The following C2CD2 variants were observed in gnomAD, a reference collection of about 807,000 sequenced individuals.
C2CD2 encodes C2 calcium dependent domain containing 2, also known as C2 domain-containing protein 2.
C2CD2 carries 43 observed loss-of-function variants against 74.3 expected under a neutral mutation model. The ratio of observed to expected loss-of-function variants is 0.58; its 90% CI spans 0.45 to 0.75. The LOEUF (loss-of-function observed/expected upper bound fraction) is 0.75. Among genes scored for constraint, C2CD2 ranks in the 30% least tolerant of loss-of-function variants. C2CD2 has a pLI of 0.00. For missense variants in C2CD2, 801 were observed against 916.3 expected, an observed-to-expected ratio of 0.87 and a Z score of 1.63; for synonymous variants, 422 against 390.7, an observed-to-expected ratio of 1.08 and a Z score of -0.94.
chr21:41,925,615 C>T (rs1389073510), intron 2 of C2CD2, among the ~76,000 whole-genome samples: 4 of 152,314 alleles, frequency 2.6e-5, no homozygotes, highest in East Asian at 3.9e-4. Context: ...GCCAAATGGA[C>T]GGGGACAAAA....
At position 41,953,478 on chromosome 21, in the gene C2CD2, G is replaced by C; in HGVS notation, c.171C>G (p.Arg57=). 4.7e-6 allele frequency: 7 copies of C among 1,483,374 alleles called. No individual in the cohort carries two copies. Among genetic ancestry groups the C allele is most frequent in the Non-Finnish European group, 6.3e-6 (7 of 1,114,650 alleles). 91.9% of individuals were successfully genotyped at this position (1,483,374 alleles called of 1,614,324 possible). The change falls in exon 1 of 14, where the codon CGC becomes CGG. Residue 57 remains arginine (R), a synonymous_variant. Transcript: ENST00000380486. ...RRAVEPGEGP[R]PGSDALLSWI... ...AGGAGAGCAGCGCGTCGGACCCCGG[G>C]CGCGGCCCCTCTCCAGGCTCCACCG...
intron 1 of C2CD2, among the ~76,000 whole-genome samples, chr21:41,949,546 T>C (rs2065432923): frequency 6.6e-6 from 1 of 152,140 alleles, no homozygotes; most frequent in Admixed American, 6.5e-5. Flanking sequence ...TTGGTGGGAG[T>C]GTAAATTAGT....
Position 41,914,731 on chromosome 21 carries a change from T to G in C2CD2, c.721-10A>C. The G allele has an allele frequency of 6.2e-7, 1 of 1,610,142 alleles. No homozygotes were observed. Among genetic ancestry groups the G allele is most frequent in the South Asian group, 1.1e-5 (1 of 90,562 alleles). ...CAGCACACTGTAAGTTCTGAAAAAA[T>G]AAAGAGCACTTTATTTTTGGTCTTC... On this transcript the variant is annotated splice_polypyrimidine_tract_variant and intron_variant, in intron 5 of 13. Coordinates refer to ENST00000380486, the MANE Select transcript of C2CD2 (RefSeq NM_015500.2).
At position 41,909,524 on chromosome 21, in the gene C2CD2, C is replaced by T; in HGVS notation, c.954-1G>A. ...CTCCTTCGACTTGGCATTCAACTCG[C>T]TTTGGAAGAGAAACAAGTTATGAGT... On this transcript the variant is annotated splice_acceptor_variant, in intron 7 of 13. Coordinates refer to ENST00000380486, the MANE Select transcript of C2CD2 (RefSeq NM_015500.2). LOFTEE classifies it high-confidence loss of function. 1.2e-6 allele frequency: 2 copies of T among 1,609,236 alleles called. No homozygotes were observed. The highest frequency in any genetic ancestry group is 1.7e-6 in the Non-Finnish European group (2 of 1,175,522).
chr21:41,905,312 T>G (rs2064947161), intron 11 of C2CD2, among the ~76,000 whole-genome samples: 1 of 28,008 alleles, frequency 3.6e-5, no homozygotes, highest in Admixed American at 3.4e-4. Flanking sequence ...AATCAAAACT[T>G]TTTTTTTTTT....
intron 2 of C2CD2, among the ~76,000 whole-genome samples, chr21:41,941,612 C>A (rs2065354897): frequency 6.6e-6 from 1 of 152,136 alleles, no homozygotes; most frequent in Admixed American, 6.5e-5. Context: ...ATCAGATGTC[C>A]TGAGATACAA....
chr21:41,905,048 T>C, intron 11 of C2CD2, among the ~76,000 whole-genome samples: 1 of 152,146 alleles, frequency 6.6e-6, no homozygotes, highest in East Asian at 1.9e-4. Context: ...AAGCAGAAAG[T>C]GGTGAATAAA....
At position 41,899,445 on chromosome 21, in the gene C2CD2, A is replaced by C; in HGVS notation, c.1561-83T>G. 1 of 1,256,342 alleles carries C rather than the reference A, an allele frequency of 8.0e-7. No individual in the cohort carries two copies. Among genetic ancestry groups the C allele is most frequent in the Non-Finnish European group, 1.1e-6 (1 of 900,316 alleles). 77.8% of individuals were successfully genotyped at this position (1,256,342 alleles called of 1,614,324 possible). A position where few individuals can be genotyped will look rare whatever the true frequency, so the allele number is the denominator to read the frequency against. ...AAAGAACTGAAAAGCACTCTCCAAA[A>C]CATTCTGACAGCTGATTTCAAAGTC... On this transcript the variant is annotated intron_variant, in intron 12 of 13. Transcript: ENST00000380486. The surrounding 1 kb of genome is among the most constrained non-coding windows in gnomAD (Gnocchi z 4.4).
Position 41,887,587 on chromosome 21 carries a change from TACTAAAAA to T in C2CD2, c.*1529_*1536del, listed in dbSNP as rs1284546109. On this transcript the variant is annotated 3_prime_UTR_variant, in exon 14 of 14. Coordinates refer to ENST00000380486, the MANE Select transcript of C2CD2 (RefSeq NM_015500.2). ...TAATTTTGGTTTTTATATAGGTTTT[TACTAAAAA>T]AGAAAAAAATCCTATAATTTTGGTT... The T allele has an allele frequency of 2.4e-4, 37 of 151,170 alleles. No homozygotes were observed. Among genetic ancestry groups the T allele is most frequent in the Middle Eastern group, 3.4e-3 (1 of 294 alleles). 9.4% of individuals were successfully genotyped at this position (151,170 alleles called of 1,614,324 possible).
rs1356640971 is a variant in C2CD2 at position 41,926,156 on chromosome 21, C to T, written c.379-4071G>A. ...AACTCCACAGAGCCCAGGTCTGCAT[C>T]TGCAGGAGCGAGCTCCCTCGACAAC... On this transcript the variant is annotated intron_variant, in intron 2 of 13. Transcript: ENST00000380486. This position sits in a 1 kb window ranked among gnomAD's most constrained non-coding sequence, Gnocchi z 8.0. Among the ~76,000 whole-genome samples, 1 of 152,240 alleles carries T rather than the reference C, an allele frequency of 6.6e-6. No homozygotes were observed. Among genetic ancestry groups the T allele is most frequent in the Non-Finnish European group, 1.5e-5 (1 of 68,054 alleles).
At position 41,889,165 on chromosome 21, in the gene C2CD2, T is replaced by C. The variant is rs1252328351; in HGVS notation, c.2050A>G (p.Lys684Glu). Residue 684 changes from lysine to glutamate, a missense_variant, in exon 14 of 14, where the codon AAG becomes GAG. Coordinates refer to ENST00000380486, the MANE Select transcript of C2CD2 (RefSeq NM_015500.2). ...ACGGGGGCACCGTTCATGGTGTTCTTGTTTCTGTGCCTGGAGAGCAGCTTC... is the reference window on the plus strand; with the variant it reads ...ACGGGGGCACCGTTCATGGTGTTCTCGTTTCTGTGCCTGGAGAGCAGCTTC... Reference protein sequence around the residue: ...NKKLLSRHRNKNTMNGAPVEP... With the variant: ...NKKLLSRHRNENTMNGAPVEP... 3.1e-6 allele frequency: 5 copies of C among 1,612,574 alleles called. No homozygotes were observed. Among genetic ancestry groups the C allele is most frequent in the Middle Eastern group, 2.0e-4 (1 of 4,880 alleles).
At chr21:41,912,779 G>A (rs1332530766) in intron 6 of C2CD2, among the ~76,000 whole-genome samples, 2 of 152,176 alleles carry the variant, frequency 1.3e-5, no homozygotes, top group African/African-American at 4.8e-5. Flanking sequence ...ATGAGCTACC[G>A]CGCCCAGCAT....
At chr21:41,900,337 C>T (rs555232334) in intron 12 of C2CD2, among the ~76,000 whole-genome samples, 53 of 152,282 alleles carry the variant, frequency 3.5e-4, no homozygotes, top group African/African-American at 1.0e-3. Flanking sequence ...ATAATCACTG[C>T]GGTGAATTCA....
intron 2 of C2CD2, among the ~76,000 whole-genome samples, chr21:41,931,580 G>A (rs528646623): frequency 6.7e-6 from 1 of 149,566 alleles, no homozygotes; most frequent in Non-Finnish European, 1.5e-5. Flanking sequence ...GTGCCACCAC[G>A]CCCAGCTAAT....
At chr21:41,919,621 G>T (rs7278749) in intron 3 of C2CD2, among the ~76,000 whole-genome samples, 1 of 152,190 alleles carries the variant, frequency 6.6e-6, no homozygotes, top group African/African-American at 2.4e-5. Flanking sequence ...AATCCTGGGC[G>T]TGGGCTCCCC....
At chr21:41,898,884 A>G (rs2146143846) in intron 13 of C2CD2, among the ~76,000 whole-genome samples, 169 bp downstream of exon 13, 1 of 152,294 alleles carries the variant, frequency 6.6e-6, no homozygotes, top group Middle Eastern at 3.4e-3. Context: ...ATGCCCCACC[A>G]CGGGTTCAAA....
chr21:41,949,640 G>A (rs1336352736), intron 1 of C2CD2, among the ~76,000 whole-genome samples: 1 of 152,182 alleles, frequency 6.6e-6, no homozygotes. Context: ...CCATTACTGG[G>A]TATATATCCA....
rs771119836 is a variant in C2CD2, at chr21:41,905,840, G to A, written c.1319-3C>T. On this transcript the variant is annotated splice_polypyrimidine_tract_variant and splice_region_variant and intron_variant, in intron 10 of 13. Coordinates refer to ENST00000380486, the MANE Select transcript of C2CD2 (RefSeq NM_015500.2). ...GATGGGAGTCTTCACCGGAGAATCT[G>A]CCAGAGGAAGATCCTGATTACAAAA... 10 of 1,508,120 alleles carry A rather than the reference G, an allele frequency of 6.6e-6. No homozygotes were observed. Among genetic ancestry groups the A allele is most frequent in the African/African-American group, 5.5e-5 (4 of 72,848 alleles). The allele number at this position is 1,508,120 out of a possible 1,614,324, so 93.4% of individuals were successfully genotyped here.
chr21:41,942,199 A>G lies in C2CD2; in HGVS notation c.326T>C (p.Leu109Pro). 1 of 1,549,488 alleles carries G rather than the reference A, an allele frequency of 6.5e-7. No homozygotes were observed. ...GGAGACCTCCTGCACCACCAGCTCC[A>G]GTGCCTGCTGCCGCGGGTCCTCCTC... ...SFEEDPRQQALELVVQEVSSV... is the reference protein window; with the variant it reads ...SFEEDPRQQAPELVVQEVSSV... Residue 109 changes from leucine (L) to proline (P), a missense_variant, in exon 2 of 14, where the codon CTG becomes CCG. Coordinates refer to ENST00000380486, the MANE Select transcript of C2CD2 (RefSeq NM_015500.2).
Sources: allele counts gnomAD v4.1 joint callset (sites outside exome capture counted in the v4.1 genomes callset), GRCh38; gene constraint gnomAD v4.1.1; non-coding constraint Gnocchi (gnomAD v3.1); transcripts MANE v1.5; gene names NCBI Gene and HGNC (gene_info 2026-07-23, HGNC 2026-07-21).